Variants in SLTM observed in about 807,000 individuals in gnomAD.
SLTM encodes the protein SAFB-like transcription modulator.
Under a neutral mutation model 134.6 loss-of-function variants are expected in SLTM, and 43 were observed. The observed-to-expected ratio is 0.32, with a 90% CI of 0.25 to 0.41. The LOEUF (loss-of-function observed/expected upper bound fraction) is 0.41, where lower values mean the gene tolerates loss of function less well. Among genes scored for constraint, SLTM ranks in the 10% least tolerant of loss-of-function variants. SLTM has a pLI of 1.00. For synonymous variants in SLTM, 424 were observed against 432.3 expected (o/e 0.98, Z 0.24); for missense variants, 1,055 against 1,288.8 (o/e 0.82, Z 2.78).
chr15:58,911,912 T>C (rs1485885868), intron 5 of SLTM, among the ~76,000 whole-genome samples: 2 of 152,126 alleles, frequency 1.3e-5, no homozygotes, highest in African/African-American at 4.8e-5. Context: ...ATATTAGTAC[T>C]TTTAAATGAC....
intron 5 of SLTM, among the ~76,000 whole-genome samples, chr15:58,901,892 A>G (rs907682916): frequency 2.7e-5 from 4 of 147,762 alleles, no homozygotes; most frequent in Non-Finnish European, 4.5e-5. Context: ...CCCTGTCTCA[A>G]AAAAAAAAAA....
Position 58,893,009 on chromosome 15 carries a change from C to T in SLTM, c.1786G>A (p.Asp596Asn). The change falls in exon 14 of 21, where the codon GAT becomes AAT. Residue 596 changes from aspartate to asparagine, a missense_variant. Physicochemically the swap from Asp to Asn is conservative, Grantham distance 23. Transcript: ENST00000380516. ...ATCTCTTTCCTTCTGTAGTCTTTAT[C>T]TCTTTTTTTATCTAGACTAGCTCTC... ...KERASLDKKR[D>N]KDYRRKEILP... 1.2e-6 allele frequency: 2 copies of T among 1,612,212 alleles called. No homozygotes were observed. The highest frequency in any genetic ancestry group is 1.7e-6 in the Non-Finnish European group (2 of 1,179,438).
At chr15:58,922,243 G>A (rs1227367506) in intron 2 of SLTM, among the ~76,000 whole-genome samples, 1 of 151,082 alleles carries the variant, frequency 6.6e-6, no homozygotes, top group East Asian at 2.0e-4. Flanking sequence ...CGGGTGTGGT[G>A]ACTCATGGTT....
At chr15:58,905,586 A>G (rs770222921) in intron 5 of SLTM, among the ~76,000 whole-genome samples, 1 of 152,138 alleles carries the variant, frequency 6.6e-6, no homozygotes, top group Non-Finnish European at 1.5e-5. Context: ...TTAAAAAAGA[A>G]TGCAGTTTGA....
intron 2 of SLTM, among the ~76,000 whole-genome samples, chr15:58,918,469 C>T (rs1452492267): frequency 3.9e-5 from 6 of 152,080 alleles, no homozygotes; most frequent in African/African-American, 1.2e-4. Flanking sequence ...AAGTCATTTC[C>T]GCAAATGAGT....
chr15:58,908,299 G>C (rs1246874482), intron 5 of SLTM, among the ~76,000 whole-genome samples: 4 of 152,032 alleles, frequency 2.6e-5, no homozygotes, highest in East Asian at 1.9e-4. Context: ...GAGCTCAAGT[G>C]ATCAGCCCGC....
rs2124203 is a variant in SLTM at position 58,887,065 on chromosome 15, G to A, written c.2745C>T (p.Gly915=). 0.064 allele frequency: 103,155 copies of A among 1,613,738 alleles called. 3,570 individuals are homozygous for A. The highest frequency in any genetic ancestry group is 0.082 in the African/African-American group (6,175 of 74,984). The change falls in exon 19 of 21, where the codon GGC becomes GGT. Residue 915 remains glycine (G), a synonymous_variant. Coordinates refer to ENST00000380516, the MANE Select transcript of SLTM (RefSeq NM_024755.4). ...GREVSGHSVR[G]APPGNRSSAS... ...CGCTGCTACGATTCCCAGGGGGAGC[G>A]CCTCTCACACTGTGCCCTGATACTT...
intron 5 of SLTM, among the ~76,000 whole-genome samples, chr15:58,904,181 A>AT (rs1228724993): frequency 1.4e-4 from 21 of 149,986 alleles, no homozygotes; most frequent in African/African-American, 2.9e-4. Flanking sequence ...TTTTTTTGAT[A>AT]TTTTTTTTTG....
chr15:58,894,711 T>TC (rs1274947147), intron 9 of SLTM, 129 bp from the exon 10 acceptor site: 6 of 940,612 alleles, frequency 6.4e-6, no homozygotes, highest in Non-Finnish European at 7.8e-6. Context: ...TCATGTTTTT[T>TC]TTTTTTTTTT....
intron 15 of SLTM, chr15:58,889,834 A>C: frequency 2.6e-6 from 1 of 388,778 alleles, no homozygotes; most frequent in Non-Finnish European, 4.6e-6. Flanking sequence ...ACCTAAAGGG[A>C]ATTAGAAATA....
rs537434156 is a variant in SLTM, at chr15:58,927,467, C to T, written c.250+4889G>A. On this transcript the variant is annotated intron_variant, in intron 2 of 20. Coordinates refer to ENST00000380516, the MANE Select transcript of SLTM (RefSeq NM_024755.4). ...TGTATTTTTAGTAAAAACGGGGTTTCACCATGTTAGCCAGTCTGGTCTCAA... is the reference window on the plus strand; with the variant it reads ...TGTATTTTTAGTAAAAACGGGGTTTTACCATGTTAGCCAGTCTGGTCTCAA... Among the ~76,000 whole-genome samples, 7 of 152,266 alleles carry T rather than the reference C, an allele frequency of 4.6e-5. No individual in the cohort carries two copies. The South Asian group carries it at 1.5e-3, about 32-fold the overall frequency.
intron 2 of SLTM, among the ~76,000 whole-genome samples, chr15:58,921,862 G>A (rs1047632246): frequency 6.6e-6 from 1 of 151,710 alleles, no homozygotes; most frequent in Admixed American, 6.6e-5. Flanking sequence ...TGCAACCTCC[G>A]CCTCCCAGGT....
chr15:58,926,430 T>C (rs2037472546), intron 2 of SLTM, among the ~76,000 whole-genome samples: 1 of 152,182 alleles, frequency 6.6e-6, no homozygotes, highest in African/African-American at 2.4e-5. Flanking sequence ...ACATGTGTTG[T>C]AATATGAAAT....
intron 5 of SLTM, among the ~76,000 whole-genome samples, chr15:58,908,984 CAAAG>C: frequency 6.6e-6 from 1 of 152,182 alleles, no homozygotes; most frequent in Non-Finnish European, 1.5e-5. Flanking sequence ...TAAGCAAAAA[CAAAG>C]AAAACAACTC....
chr15:58,912,100 GTT>G (rs796282134), intron 5 of SLTM, among the ~76,000 whole-genome samples: 7 of 137,614 alleles, frequency 5.1e-5, no homozygotes, highest in African/African-American at 5.3e-5. Context: ...GCTGCCAATA[GTT>G]TTTTTTTTTT....
intron 2 of SLTM, among the ~76,000 whole-genome samples, chr15:58,929,015 G>A (rs1239689387): frequency 2.6e-5 from 4 of 152,150 alleles, no homozygotes; most frequent in Non-Finnish European, 4.4e-5. Context: ...GAGCCTTACA[G>A]GGGACCTAGT....
chr15:58,898,246 G>C (rs1200500349), intron 8 of SLTM: 2 of 152,064 alleles, frequency 1.3e-5, no homozygotes, highest in Non-Finnish European at 1.5e-5. Context: ...TAGAAATTAA[G>C]TATTTTTCAA....
At chr15:58,921,570 G>A in intron 2 of SLTM, 1 of 445,002 alleles carries the variant, frequency 2.2e-6, no homozygotes, top group South Asian at 1.6e-5. Context: ...GACATTTAAT[G>A]TTTCAGCTTG....
chr15:58,906,102 C>A (rs766513628), intron 5 of SLTM, among the ~76,000 whole-genome samples: 17 of 152,090 alleles, frequency 1.1e-4, no homozygotes, highest in Non-Finnish European at 1.9e-4. Context: ...AAATAAGAAT[C>A]CAAAATACTT....
Sources: allele counts gnomAD v4.1 joint callset (sites outside exome capture counted in the v4.1 genomes callset), GRCh38; gene constraint gnomAD v4.1.1; transcripts MANE v1.5; gene names NCBI Gene and HGNC (gene_info 2026-07-23, HGNC 2026-07-21).